Variants in GMIP observed in about 807,000 individuals in gnomAD.
The protein encoded by GMIP is GEM-interacting protein.
Under a neutral mutation model 105.3 loss-of-function variants are expected in GMIP, and 54 were observed. That is an observed-to-expected ratio of 0.51 (90% CI 0.41 to 0.64). The LOEUF is 0.64. Ranked by LOEUF, GMIP falls within the 30% of genes least tolerant of loss-of-function variation. The probability of loss-of-function intolerance (pLI) is 0.00; values close to 1 mark genes in which losing one functional copy is unlikely to be tolerated. For missense variants in GMIP, 1,110 were observed against 1,319.4 expected (o/e 0.84, Z 2.46); for synonymous variants, 541 against 560.8 (o/e 0.96, Z 0.50).
chr19:19,634,450 G>C lies in GMIP; in HGVS notation c.2084+57C>G. The C allele has an allele frequency of 1.4e-6, 2 of 1,424,014 alleles. No individual in the cohort carries two copies. The highest frequency in any genetic ancestry group is 2.1e-5 in the Admixed American group (1 of 47,362). 88.2% of individuals were successfully genotyped at this position (1,424,014 alleles called of 1,614,324 possible). On this transcript the variant is annotated intron_variant, in intron 18 of 20. Coordinates refer to ENST00000203556, the MANE Select transcript of GMIP (RefSeq NM_016573.4). The surrounding 1 kb of genome is among the most constrained non-coding windows in gnomAD (Gnocchi z 6.1). ...TGTCAGGGGTCAGCCAGGGAAGTTA[G>C]TAGTCGCATGTCCAGGGAAAAGGGT...
rs1015256386 is a variant in GMIP, at chr19:19,637,625, G to A, written c.928-64C>T. 15 of 1,302,156 alleles carry A rather than the reference G, an allele frequency of 1.2e-5. No individual in the cohort carries two copies. The Admixed American group carries it at 1.7e-4, about 15-fold the overall frequency. The allele number at this position is 1,302,156 out of a possible 1,614,324, so 80.7% of individuals were successfully genotyped here. A position where few individuals can be genotyped will look rare whatever the true frequency, so the allele number is the denominator to read the frequency against. On this transcript the variant is annotated intron_variant, in intron 10 of 20. Coordinates refer to ENST00000203556, the MANE Select transcript of GMIP (RefSeq NM_016573.4). This position sits in a 1 kb window ranked among gnomAD's most constrained non-coding sequence, Gnocchi z 6.7. The stretch of plus-strand genomic sequence containing the variant: ...CTGGGAGCCTGGGGGCAGGGCCAGA[G>A]CTGGGGCGGGGCTTGAGAGACGCGA...
At position 19,635,856 on chromosome 19, in the gene GMIP, T is replaced by C. The variant is rs903946651; in HGVS notation, c.1328-135A>G. 14 of 722,402 alleles carry C rather than the reference T, an allele frequency of 1.9e-5. No homozygotes were observed. Among genetic ancestry groups the C allele is most frequent in the African/African-American group, 1.4e-4 (8 of 57,156 alleles). 44.7% of individuals were successfully genotyped at this position (722,402 alleles called of 1,614,324 possible). On this transcript the variant is annotated intron_variant, in intron 13 of 20. Coordinates refer to ENST00000203556, the MANE Select transcript of GMIP (RefSeq NM_016573.4). This position sits in a 1 kb window ranked among gnomAD's most constrained non-coding sequence, Gnocchi z 4.7. ...GATTGGACAGGTCAGTGGTTAAGGG[T>C]TGGAGAATTGGGTCAGCAACCTGAG...
In GMIP at chr19:19,640,926, C is replaced by T. The variant is rs1043439682; in HGVS notation, c.239-355G>A. ...GATTACAGGCATGCGCCACCATGCC[C>T]GGCTAATTTTTTGTATTTTTAGTAG... On this transcript the variant is annotated intron_variant, in intron 4 of 20. Transcript: ENST00000203556. 2.6e-4 allele frequency among the ~76,000 whole-genome samples: 39 copies of T among 151,874 alleles called. No homozygotes were observed. The South Asian group carries it at 5.8e-3, about 23-fold the overall frequency.
chr19:19,637,144 C>G lies in GMIP; in HGVS notation c.1125-115G>C. On this transcript the variant is annotated intron_variant, in intron 11 of 20. Transcript: ENST00000203556. The surrounding 1 kb of genome is among the most constrained non-coding windows in gnomAD (Gnocchi z 6.7). Reference sequence around the variant, plus strand: ...GCACTTGGGTCTGCAAACCCTGACACCCAGGGCATTGTGGCCCCTGAAATA... The same window carrying G: ...GCACTTGGGTCTGCAAACCCTGACAGCCAGGGCATTGTGGCCCCTGAAATA... 1.4e-6 allele frequency: 1 copy of G among 725,776 alleles called. No homozygotes were observed. The highest frequency in any genetic ancestry group is 2.3e-6 in the Non-Finnish European group (1 of 431,434). The allele number at this position is 725,776 out of a possible 1,614,324, so 45.0% of individuals were successfully genotyped here.
In GMIP at chr19:19,640,131, G is replaced by C. The variant is rs574180985; in HGVS notation, c.491C>G (p.Thr164Ser). The stretch of plus-strand genomic sequence containing the variant: ...CTGGGCCACTGTCTCCATGGCCAGG[G>C]TTCCCAGGCTGAGATCGTGCTCCAG... ...LFLEHDLSLG[T>S]LAMETVAQQK... is the part of the protein sequence containing the mutation. Residue 164 changes from threonine (T) to serine (S), a missense_variant, in exon 7 of 21, where the codon ACC becomes AGC. By Grantham distance (58) the Thr-to-Ser change is moderately conservative. Coordinates refer to ENST00000203556, the MANE Select transcript of GMIP (RefSeq NM_016573.4). 3 of 1,613,822 alleles carry C rather than the reference G, an allele frequency of 1.9e-6. No homozygotes were observed. Among genetic ancestry groups the C allele is most frequent in the Non-Finnish European group, 2.5e-6 (3 of 1,179,774 alleles).
chr19:19,635,095 A>C lies in GMIP; in HGVS notation c.1679T>G (p.Phe560Cys). 7 of 1,614,030 alleles carry C rather than the reference A, an allele frequency of 4.3e-6. No homozygotes were observed. The highest frequency in any genetic ancestry group is 5.9e-6 in the Non-Finnish European group (7 of 1,180,000). ...GVDFLQLPRD[F>C]PEEVPFVVTK... Reference sequence around the variant, plus strand: ...GACCACAAAGGGTACCTCCTCCGGGAAGTCCCTGGGTAGCTGCAGGAAGTC... The same window carrying C: ...GACCACAAAGGGTACCTCCTCCGGGCAGTCCCTGGGTAGCTGCAGGAAGTC... The change falls in exon 16 of 21, where the codon TTC (phenylalanine) becomes TGC (cysteine). Residue 560 changes from phenylalanine (F) to cysteine (C), a missense_variant. Transcript: ENST00000203556. This position sits in a 1 kb window ranked among gnomAD's most constrained non-coding sequence, Gnocchi z 4.7.
At chr19:19,639,958 C>T (rs984790145) in intron 7 of GMIP, 127 bp downstream of exon 7, 9 of 619,928 alleles carry the variant, frequency 1.5e-5, no homozygotes, top group African/African-American at 1.3e-4. Flanking sequence ...TCAGCTTCCT[C>T]ATCAATGAAA....
In GMIP at chr19:19,630,388, T is replaced by TC; in HGVS notation, c.2540-53dup. 5 of 1,571,942 alleles carry TC rather than the reference T, an allele frequency of 3.2e-6. No individual in the cohort carries two copies. The highest frequency in any genetic ancestry group is 1.7e-6 in the Non-Finnish European group (2 of 1,161,836). ...AGAGCACCTCCAAGTTCTCTGTATATCCCCCCAGGAGTCATCTTTTAGCAA... is the reference window on the plus strand; with the variant it reads ...AGAGCACCTCCAAGTTCTCTGTATATCCCCCCCAGGAGTCATCTTTTAGCAA... On this transcript the variant is annotated intron_variant, in intron 20 of 20. Coordinates refer to ENST00000203556, the MANE Select transcript of GMIP (RefSeq NM_016573.4). This position sits in a 1 kb window ranked among gnomAD's most constrained non-coding sequence, Gnocchi z 4.8.
rs529092664 is a variant in GMIP at position 19,634,423 on chromosome 19, A to C, written c.2084+84T>G. ...AAACACAGGTCAAAGGTCAGAGGTC[A>C]GTGTCAGGGGTCAGCCAGGGAAGTT... is the stretch of plus-strand genomic sequence containing the variant. On this transcript the variant is annotated intron_variant, in intron 18 of 20. Transcript: ENST00000203556. The surrounding 1 kb of genome is among the most constrained non-coding windows in gnomAD (Gnocchi z 6.1). 35 of 1,205,754 alleles carry C rather than the reference A, an allele frequency of 2.9e-5. No individual in the cohort carries two copies. In the South Asian group the frequency reaches 4.0e-4, roughly 14 times the overall value. 74.7% of individuals were successfully genotyped at this position (1,205,754 alleles called of 1,614,324 possible).
Position 19,638,080 on chromosome 19 carries a change from G to A in GMIP, c.790-23C>T. 2.6e-6 allele frequency: 4 copies of A among 1,545,864 alleles called. No homozygotes were observed. In the South Asian group the frequency reaches 3.6e-5, roughly 14 times the overall value. On this transcript the variant is annotated intron_variant, in intron 9 of 20. Transcript: ENST00000203556. Reference sequence around the variant, plus strand: ...CGCCTGGGGAAACGGGAGGCCAGGAGCGGGGTGGGGCGCGTGTGGGCGAGA... The same window carrying A: ...CGCCTGGGGAAACGGGAGGCCAGGAACGGGGTGGGGCGCGTGTGGGCGAGA...
In GMIP at chr19:19,642,540, C is replaced by T; in HGVS notation, c.99G>A (p.Gly33=). 1.2e-6 allele frequency: 2 copies of T among 1,600,800 alleles called. No individual in the cohort carries two copies. Among genetic ancestry groups the T allele is most frequent in the Non-Finnish European group, 1.7e-6 (2 of 1,168,340 alleles). The part of the protein sequence containing the change: ...RSLDNLEISL[G]NVTLEMLAGD... ...TGATCCAGGCTCAGACTCACACGTT[C>T]CCCAGTGAGATTTCGAGGTTGTCCA... The change falls in exon 2 of 21, where the codon GGG becomes GGA. Residue 33 remains glycine (G), a synonymous_variant. Coordinates refer to ENST00000203556, the MANE Select transcript of GMIP (RefSeq NM_016573.4).
chr19:19,642,445 CAGGTTCCAAATG>C, intron 2 of GMIP, 78 bp downstream of exon 2: 1 of 770,880 alleles, frequency 1.3e-6, no homozygotes, highest in Non-Finnish European at 2.3e-6. Context: ...CCAGATGTTA[CAGGTTCCAAATG>C]GGACTGCAAG....
In GMIP at chr19:19,640,086, T is replaced by G. The variant is rs1407444819; in HGVS notation, c.536A>C (p.Gln179Pro). 6.3e-7 allele frequency: 1 copy of G among 1,576,538 alleles called. No individual in the cohort carries two copies. The highest frequency in any genetic ancestry group is 8.7e-7 in the Non-Finnish European group (1 of 1,145,754). The change falls in exon 7 of 21, where the codon CAG becomes CCG. Residue 179 changes from glutamine to proline, a missense_variant and splice_region_variant. Physicochemically the swap from Gln to Pro is moderately conservative, Grantham distance 76 (BLOSUM62 -1). This residue lies in a region of GMIP where 667 missense variants were observed against 773.2 expected (regional missense o/e 0.86). Coordinates refer to ENST00000203556, the MANE Select transcript of GMIP (RefSeq NM_016573.4). ...TVAQQKRDYY[Q>P]PLAAKRTEIE... The stretch of plus-strand genomic sequence containing the variant: ...AACATTCCACCCTGCCCCCCTCACC[T>G]GGTAGTAGTCTCTTTTCTGCTGGGC...
rs1386732839 is a variant in GMIP at position 19,637,898 on chromosome 19, TGGCCTTGGGGATG to T, written c.927+9_927+21del. 3 of 1,581,034 alleles carry T rather than the reference TGGCCTTGGGGATG, an allele frequency of 1.9e-6. No individual in the cohort carries two copies. Among genetic ancestry groups the T allele is most frequent in the Non-Finnish European group, 2.6e-6 (3 of 1,164,056 alleles). ...GGGCCCCAACGGGGTGAGGGGAGGA[TGGCCTTGGGGATG>T]GGCCTCACCCGCCTCAGCACTTCAT... On this transcript the variant is annotated intron_variant, in intron 10 of 20. Coordinates refer to ENST00000203556, the MANE Select transcript of GMIP (RefSeq NM_016573.4). The surrounding 1 kb of genome is among the most constrained non-coding windows in gnomAD (Gnocchi z 6.7).
At chr19:19,640,879 C>T (rs752915122) in intron 4 of GMIP, among the ~76,000 whole-genome samples, 1 of 152,170 alleles carries the variant, frequency 6.6e-6, no homozygotes, top group Non-Finnish European at 1.5e-5. Context: ...GATTCTCCTG[C>T]CTCAGCCTCC....
Position 19,637,888 on chromosome 19 carries a change from G to A in GMIP, c.927+32C>T. ...CACTCAGTCGGGGCCCCAACGGGGTGAGGGGAGGATGGCCTTGGGGATGGG... is the reference window on the plus strand; with the variant it reads ...CACTCAGTCGGGGCCCCAACGGGGTAAGGGGAGGATGGCCTTGGGGATGGG... On this transcript the variant is annotated intron_variant, in intron 10 of 20. Transcript: ENST00000203556. This position sits in a 1 kb window ranked among gnomAD's most constrained non-coding sequence, Gnocchi z 6.7. 6.3e-7 allele frequency: 1 copy of A among 1,574,828 alleles called. No homozygotes were observed.
chr19:19,637,623 G>C lies in GMIP; in HGVS notation c.928-62C>G, dbSNP rs2061869712. 8 of 1,320,076 alleles carry C rather than the reference G, an allele frequency of 6.1e-6. No individual in the cohort carries two copies. In the South Asian group the frequency reaches 1.2e-4, roughly 19 times the overall value. 81.8% of individuals were successfully genotyped at this position (1,320,076 alleles called of 1,614,324 possible). ...GCCTGGGAGCCTGGGGGCAGGGCCA[G>C]AGCTGGGGCGGGGCTTGAGAGACGC... On this transcript the variant is annotated intron_variant, in intron 10 of 20. Coordinates refer to ENST00000203556, the MANE Select transcript of GMIP (RefSeq NM_016573.4). This position sits in a 1 kb window ranked among gnomAD's most constrained non-coding sequence, Gnocchi z 6.7.
Position 19,634,069 on chromosome 19 carries a change from G to C in GMIP, c.2206C>G (p.Leu736Val). The change falls in exon 19 of 21, where the codon CTG (leucine) becomes GTG (valine). Residue 736 changes from leucine (L) to valine (V), a missense_variant. Transcript: ENST00000203556. This position sits in a 1 kb window ranked among gnomAD's most constrained non-coding sequence, Gnocchi z 6.1. ...TGGGCCTGATGCCCAGAGTCCAGCA[G>C]GCAGGTGACAGGGATGGCGCTGGCT... ...RAASAIPVTC[L>V]LDSGHQAQLV... The C allele has an allele frequency of 6.2e-7, 1 of 1,613,568 alleles. No homozygotes were observed. The highest frequency in any genetic ancestry group is 8.5e-7 in the Non-Finnish European group (1 of 1,179,866).
At position 19,634,709 on chromosome 19, in the gene GMIP, G is replaced by C; in HGVS notation, c.1888-6C>G. On this transcript the variant is annotated splice_polypyrimidine_tract_variant and splice_region_variant and intron_variant, in intron 17 of 20. Transcript: ENST00000203556. This position sits in a 1 kb window ranked among gnomAD's most constrained non-coding sequence, Gnocchi z 6.1. ...GGGATCACGGGCTCGGTGAGCTGGG[G>C]GTGGAACGGAGGGCGCAACACGAGT... 1 of 1,608,774 alleles carries C rather than the reference G, an allele frequency of 6.2e-7. No individual in the cohort carries two copies. The highest frequency in any genetic ancestry group is 2.2e-5 in the East Asian group (1 of 44,758).
Sources: allele counts gnomAD v4.1 joint callset (sites outside exome capture counted in the v4.1 genomes callset), GRCh38; gene constraint gnomAD v4.1.1; regional missense constraint gnomAD v4.1.1; non-coding constraint Gnocchi (gnomAD v3.1); transcripts MANE v1.5; gene names NCBI Gene and HGNC (gene_info 2026-07-23, HGNC 2026-07-21).